The following TNKS variants were observed in gnomAD, a reference collection of about 807,000 sequenced individuals.
The protein encoded by TNKS is tankyrase.
TNKS carries 72 observed loss-of-function variants against 135.8 expected under a neutral mutation model. The observed-to-expected ratio is 0.53, with a 90% CI of 0.44 to 0.64. The LOEUF (loss-of-function observed/expected upper bound fraction) is 0.64. Ranked by LOEUF, TNKS falls within the 30% of genes least tolerant of loss-of-function variation. TNKS has a pLI of 0.00. For missense variants in TNKS, 1,769 were observed against 1,674.0 expected, an observed-to-expected ratio of 1.06 and a Z score of -0.99; for synonymous variants, 849 against 649.3, an observed-to-expected ratio of 1.31 and a Z score of -4.68.
intron 3 of TNKS, among the ~76,000 whole-genome samples, chr8:9,659,504 G>A (rs1801591269): frequency 1.3e-5 from 2 of 152,104 alleles, no homozygotes; most frequent in Admixed American, 6.5e-5. Flanking sequence ...CTAACAAAAT[G>A]AAGGCAGAAA....
chr8:9,676,633 T>TA (rs1802548289), intron 3 of TNKS, among the ~76,000 whole-genome samples: 1 of 152,106 alleles, frequency 6.6e-6, no homozygotes. Flanking sequence ...AGCTTTGTTT[T>TA]AATAACATAG....
At chr8:9,588,267 G>C (rs1271028201) in intron 2 of TNKS, among the ~76,000 whole-genome samples, 1 of 151,926 alleles carries the variant, frequency 6.6e-6, no homozygotes, top group Non-Finnish European at 1.5e-5. Context: ...CATGTAACTT[G>C]ACAACCAAAT....
intron 20 of TNKS, among the ~76,000 whole-genome samples, chr8:9,756,971 G>T (rs542148794): frequency 1.1e-3 from 164 of 150,940 alleles, no homozygotes; most frequent in African/African-American, 3.8e-3. Context: ...GTTTTTGTTT[G>T]TTTTTTTTTG....
At chr8:9,698,161 C>T (rs541344942) in intron 5 of TNKS, among the ~76,000 whole-genome samples, 44 of 152,052 alleles carry the variant, frequency 2.9e-4, no homozygotes, top group Non-Finnish European at 4.6e-4. Flanking sequence ...CAGAAAACTA[C>T]ATATCACATG....
intron 1 of TNKS, among the ~76,000 whole-genome samples, chr8:9,570,493 C>G (rs1312592455): frequency 6.6e-6 from 1 of 152,180 alleles, no homozygotes; most frequent in Non-Finnish European, 1.5e-5. Context: ...CCACATGGCC[C>G]AGTGGCATTA....
chr8:9,579,635 A>G lies in TNKS; in HGVS notation c.674-524A>G, dbSNP rs560890230. Among the ~76,000 whole-genome samples the G allele has an allele frequency of 5.3e-5, 8 of 152,094 alleles. No individual in the cohort carries two copies. In the South Asian group the frequency reaches 1.7e-3, roughly 32 times the overall value. ...AGGTGCCTGCCATCACGCCTGGCTA[A>G]TTTTTGTGGTTTTATTAGAGACGGG... On this transcript the variant is annotated intron_variant, in intron 1 of 26. Coordinates refer to ENST00000310430, the MANE Select transcript of TNKS (RefSeq NM_003747.3).
chr8:9,615,548 G>A (rs377628541), intron 2 of TNKS, 34 bp from the exon 3 acceptor site: 39 of 1,561,310 alleles, frequency 2.5e-5, no homozygotes, highest in Admixed American at 5.2e-5. Context: ...CTGTATCCCC[G>A]AGGTAAGATA....
At chr8:9,756,709 C>G (rs934177519) in intron 20 of TNKS, among the ~76,000 whole-genome samples, 5 of 152,154 alleles carry the variant, frequency 3.3e-5, no homozygotes, top group African/African-American at 1.2e-4. Flanking sequence ...TACCCAGCTA[C>G]AGAATTTTGG....
At chr8:9,636,783 T>C (rs915574429) in intron 3 of TNKS, among the ~76,000 whole-genome samples, 2 of 152,194 alleles carry the variant, frequency 1.3e-5, no homozygotes, top group Non-Finnish European at 2.9e-5. Context: ...TTACGTTAGA[T>C]GGACACCAGA....
At chr8:9,755,884 C>T (rs1312514956) in intron 20 of TNKS, among the ~76,000 whole-genome samples, 1 of 152,184 alleles carries the variant, frequency 6.6e-6, no homozygotes, top group African/African-American at 2.4e-5. Flanking sequence ...CACAGTTACT[C>T]TCTTGGAAGT....
At chr8:9,575,846 A>AG (rs1390664370) in intron 1 of TNKS, among the ~76,000 whole-genome samples, 19 of 152,248 alleles carry the variant, frequency 1.2e-4, no homozygotes, top group African/African-American at 4.1e-4. Flanking sequence ...TTAAAGCCTA[A>AG]GGACATTTAT....
intron 25 of TNKS, among the ~76,000 whole-genome samples, chr8:9,769,654 C>T (rs780398108): frequency 2.0e-4 from 24 of 121,148 alleles, no homozygotes; most frequent in Non-Finnish European, 3.7e-4. Flanking sequence ...GAGTCTCGCT[C>T]TGTCGCCCAG....
At chr8:9,686,379 A>G (rs1433415284) in intron 5 of TNKS, among the ~76,000 whole-genome samples, 2 of 152,196 alleles carry the variant, frequency 1.3e-5, no homozygotes, top group Non-Finnish European at 2.9e-5. Flanking sequence ...ATCCATCTTT[A>G]GGGTGACATC....
intron 3 of TNKS, among the ~76,000 whole-genome samples, chr8:9,647,861 A>C (rs1232775621): frequency 6.6e-6 from 1 of 152,184 alleles, no homozygotes; most frequent in Non-Finnish European, 1.5e-5. Flanking sequence ...TACTTACACA[A>C]ACCTAGATGG....
intron 2 of TNKS, among the ~76,000 whole-genome samples, chr8:9,591,845 T>C (rs572735829): frequency 4.6e-5 from 7 of 152,320 alleles, no homozygotes; most frequent in African/African-American, 1.7e-4. Context: ...TTGACAATTA[T>C]TCTTAGGTTA....
chr8:9,601,360 T>A (rs935506254), intron 2 of TNKS, among the ~76,000 whole-genome samples: 2 of 152,240 alleles, frequency 1.3e-5, no homozygotes, highest in African/African-American at 2.4e-5. Context: ...TAGCTACTCA[T>A]TGAGATATCT....
At chr8:9,560,420 A>G (rs1403518390) in intron 1 of TNKS, among the ~76,000 whole-genome samples, 1 of 149,310 alleles carries the variant, frequency 6.7e-6, no homozygotes, top group South Asian at 2.1e-4. Context: ...ACTACAATAC[A>G]TATTTAACAG....
intron 1 of TNKS, among the ~76,000 whole-genome samples, chr8:9,575,973 C>T (rs1012841856): frequency 1.3e-5 from 2 of 152,092 alleles, no homozygotes; most frequent in Admixed American, 6.5e-5. Context: ...AATTTTCTAA[C>T]GGTTGGGAGG....
intron 2 of TNKS, among the ~76,000 whole-genome samples, chr8:9,599,590 T>G (rs1334646013): frequency 6.6e-6 from 1 of 152,200 alleles, no homozygotes; most frequent in African/African-American, 2.4e-5. Flanking sequence ...TTACACTCAA[T>G]CTTACATTTA....
Sources: gnomAD v4.1 joint callset for allele counts (sites outside exome capture counted in the v4.1 genomes callset) on GRCh38, gnomAD v4.1.1 for gene constraint, MANE v1.5 for transcripts, NCBI Gene and HGNC (gene_info 2026-07-23, HGNC 2026-07-21) for gene names.